WLS: variants seen among roughly 807,000 people sequenced by gnomAD.
WLS encodes the protein Wnt ligand secretion mediator.
WLS carries 23 observed loss-of-function variants against 62.8 expected under a neutral mutation model. The observed-to-expected ratio is 0.37, with a 90% CI of 0.26 to 0.52. The LOEUF (loss-of-function observed/expected upper bound fraction) is 0.52. Ranked by LOEUF, WLS falls within the 20% of genes least tolerant of loss-of-function variation. The pLI is 0.92. For missense variants in WLS, 615 were observed against 697.3 expected (o/e 0.88, Z 1.33); for synonymous variants, 246 against 244.1 (o/e 1.01, Z -0.07).
intron 8 of WLS, 123 bp downstream of exon 8, chr1:68,148,013 G>T (rs1646774630): frequency 5.0e-6 from 5 of 997,874 alleles, no homozygotes; most frequent in Non-Finnish European, 7.7e-6. Flanking sequence ...GTTATGATTG[G>T]CCTGAGAATC....
At chr1:68,162,818 G>A in intron 2 of WLS, 2 of 1,248,900 alleles carry the variant, frequency 1.6e-6, no homozygotes, top group Non-Finnish European at 2.4e-6. Context: ...AACTTTTCTA[G>A]GTCCTCCCTG....
chr1:68,211,310 T>C (rs1649504601), intron 1 of WLS, among the ~76,000 whole-genome samples: 2 of 121,446 alleles, frequency 1.6e-5, no homozygotes, highest in Non-Finnish European at 4.1e-5. Context: ...CAGCCTCCTT[T>C]GTAAAAGAAA....
intron 2 of WLS, among the ~76,000 whole-genome samples, chr1:68,170,808 C>G (rs1300547272): frequency 6.6e-6 from 1 of 152,136 alleles, no homozygotes; most frequent in Non-Finnish European, 1.5e-5. Context: ...ATCCCCATCT[C>G]TCTCCCTACC....
At chr1:68,180,679 G>A (rs1442426830) in intron 2 of WLS, among the ~76,000 whole-genome samples, 1 of 152,146 alleles carries the variant, frequency 6.6e-6, no homozygotes, top group Non-Finnish European at 1.5e-5. Flanking sequence ...CCAGAGCTCA[G>A]GGCCTTCACA....
chr1:68,125,611 G>A lies in WLS; in HGVS notation c.*615C>T. 1 of 985,426 alleles carries A rather than the reference G, an allele frequency of 1.0e-6. No individual in the cohort carries two copies. The allele number at this position is 985,426 out of a possible 1,614,324, so 61.0% of individuals were successfully genotyped here. A position where few individuals can be genotyped will look rare whatever the true frequency, so the allele number is the denominator to read the frequency against. On this transcript the variant is annotated 3_prime_UTR_variant, in exon 12 of 12. Transcript: ENST00000262348. ...TGGTTAGTATTAGATACACAGATTT[G>A]GTTTCAAAGCTGAAATACCCCTGGT...
chr1:68,215,179 C>T (rs947809408), intron 1 of WLS, among the ~76,000 whole-genome samples: 4 of 152,078 alleles, frequency 2.6e-5, no homozygotes, highest in South Asian at 2.1e-4. Flanking sequence ...AACAAATAGG[C>T]GAAACACTAG....
chr1:68,158,143 G>T (rs905679727), intron 3 of WLS, among the ~76,000 whole-genome samples: 12 of 152,238 alleles, frequency 7.9e-5, no homozygotes, highest in South Asian at 2.1e-4. Context: ...TAAACTGAAG[G>T]CCTGTTAAAA....
At chr1:68,193,415 A>G (rs1015804729) in intron 2 of WLS, among the ~76,000 whole-genome samples, 3 of 91,028 alleles carry the variant, frequency 3.3e-5, no homozygotes, top group Admixed American at 1.1e-4. Context: ...AAAAAAAAAA[A>G]AAAAAAAAAA....
chr1:68,210,802 G>A (rs772579350), intron 1 of WLS, among the ~76,000 whole-genome samples: 1 of 152,168 alleles, frequency 6.6e-6, no homozygotes, highest in Non-Finnish European at 1.5e-5. Context: ...TGTTGTTTAG[G>A]TGACACAAAC....
chr1:68,207,486 C>T lies in WLS; in HGVS notation c.107-13259G>A, dbSNP rs113076251. ...ACTTTCTTTCAGATTTTCATTTAAA[C>T]GGCTGGGTTCCTAATATATTTCAAA... On this transcript the variant is annotated intron_variant, in intron 1 of 11. Transcript: ENST00000262348. Among the ~76,000 whole-genome samples, 1,127 of 152,278 alleles carry T rather than the reference C, an allele frequency of 7.4e-3. 9 individuals are homozygous for T. The highest frequency in any genetic ancestry group is 0.026 in the African/African-American group (1,074 of 41,558).
At chr1:68,124,612 C>A (rs561727959), downstream of WLS, among the ~76,000 whole-genome samples, 1 of 152,258 alleles carries the variant, frequency 6.6e-6, no homozygotes, top group South Asian at 2.1e-4. Context: ...TGATTCCTGG[C>A]ACTGCAGTGG....
rs34130992 is a variant in WLS at position 68,187,189 on chromosome 1, C to CAAA, written c.379+6763_379+6765dup. Reference sequence around the variant, plus strand: ...GGGGGACAGAGCAAGACTCCATCTCCAAAAAAAAAAAAAAAAAAAAAATTA... The same window carrying CAAA: ...GGGGGACAGAGCAAGACTCCATCTCCAAAAAAAAAAAAAAAAAAAAAAAAATTA... On this transcript the variant is annotated intron_variant, in intron 2 of 11. Transcript: ENST00000262348. Among the ~76,000 whole-genome samples the CAAA allele has an allele frequency of 1.6e-3, 92 of 57,148 alleles. 3 individuals are homozygous for CAAA. Among genetic ancestry groups the CAAA allele is most frequent in the African/African-American group, 5.0e-3 (67 of 13,374 alleles). 37.5% of individuals were successfully genotyped at this position (57,148 alleles called of 152,430 possible).
chr1:68,129,886 A>T (rs1646493217), intron 11 of WLS, among the ~76,000 whole-genome samples: 1 of 152,232 alleles, frequency 6.6e-6, no homozygotes, highest in Non-Finnish European at 1.5e-5. Context: ...GAAAAAAGAA[A>T]AGAATGCTTT....
At chr1:68,203,635 T>G (rs910681314) in intron 1 of WLS, among the ~76,000 whole-genome samples, 2 of 152,232 alleles carry the variant, frequency 1.3e-5, no homozygotes, top group Non-Finnish European at 2.9e-5. Flanking sequence ...TATGACTTCA[T>G]ATTGCAGGTA....
At position 68,168,129 on chromosome 1, in the gene WLS, G is replaced by A. The variant is rs80025299; in HGVS notation, c.380-8882C>T. On this transcript the variant is annotated intron_variant, in intron 2 of 11. Coordinates refer to ENST00000262348, the MANE Select transcript of WLS (RefSeq NM_024911.7). ...TGGTGGGAGGGGGGTGCTAGAAATC[G>A]CTAGGAAAGAGGTCTAGTGTCCCCA... Among the ~76,000 whole-genome samples the A allele has an allele frequency of 3.9e-4, 60 of 152,240 alleles. No individual in the cohort carries two copies. In the East Asian group the frequency reaches 0.01, roughly 26 times the overall value.
intron 1 of WLS, among the ~76,000 whole-genome samples, chr1:68,198,175 A>G (rs1648782736): frequency 6.6e-6 from 1 of 152,212 alleles, no homozygotes; most frequent in Admixed American, 6.5e-5. Context: ...CTACTTCTAC[A>G]CCAGACCAAT....
intron 11 of WLS, among the ~76,000 whole-genome samples, chr1:68,129,448 TTA>T (rs1646485919): frequency 1.3e-5 from 2 of 152,354 alleles, no homozygotes; most frequent in African/African-American, 4.8e-5. Flanking sequence ...TGTTATAAAT[TTA>T]TGAGTATTGG....
chr1:68,148,195 C>T lies in WLS; in HGVS notation c.1075G>A (p.Val359Ile). ...LFIFDMCERG[V>I]QLTNPFYSIW... ...CTGTAGAAGGGATTCGTGAGTTGTA[C>T]CCCTCTACAAAGAAAATGAGATGGA... is the stretch of plus-strand genomic sequence containing the variant. Residue 359 changes from valine (V) to isoleucine (I), a missense_variant, in exon 8 of 12, where the codon GTA becomes ATA. Coordinates refer to ENST00000262348, the MANE Select transcript of WLS (RefSeq NM_024911.7). 3 of 1,614,116 alleles carry T rather than the reference C, an allele frequency of 1.9e-6. No homozygotes were observed. Among genetic ancestry groups the T allele is most frequent in the South Asian group, 1.1e-5 (1 of 91,066 alleles).
chr1:68,129,194 C>T (rs1251232339), intron 11 of WLS, among the ~76,000 whole-genome samples: 2 of 152,094 alleles, frequency 1.3e-5, no homozygotes, highest in Non-Finnish European at 2.9e-5. Flanking sequence ...TGTGGTGGCG[C>T]ATGCCTGTAA....
Sources: allele counts gnomAD v4.1 joint callset (sites outside exome capture counted in the v4.1 genomes callset), GRCh38; gene constraint gnomAD v4.1.1; transcripts MANE v1.5; gene names NCBI Gene and HGNC (gene_info 2026-07-23, HGNC 2026-07-21).